Variants in HCRTR2 observed in about 807,000 individuals in gnomAD.
The protein encoded by HCRTR2 is hypocretin receptor 2, also known as orexin receptor type 2.
HCRTR2 carries 22 observed loss-of-function variants against 49.0 expected under a neutral mutation model. The observed-to-expected ratio is 0.45, with a 90% CI of 0.32 to 0.64. HCRTR2 has a LOEUF of 0.64. HCRTR2 is among the 30% of genes least tolerant of loss of function. HCRTR2 has a pLI of 0.04. For synonymous variants in HCRTR2, 236 were observed against 205.3 expected, an observed-to-expected ratio of 1.15 and a Z score of -1.28; for missense variants, 491 against 559.4, an observed-to-expected ratio of 0.88 and a Z score of 1.23.
chr6:55,185,859 C>T (rs948812181), intron 1 of HCRTR2, among the ~76,000 whole-genome samples: 2 of 152,212 alleles, frequency 1.3e-5, no homozygotes, highest in Non-Finnish European at 2.9e-5. Flanking sequence ...GACAATCTTT[C>T]TGTAAACAGA....
Position 55,186,182 on chromosome 6 carries a change from G to A in HCRTR2, c.223+11372G>A, listed in dbSNP as rs549302004. On this transcript the variant is annotated intron_variant, in intron 1 of 6. Transcript: ENST00000370862. The stretch of plus-strand genomic sequence containing the variant: ...TGTTTGCCAATGTATCCTCAGTGCC[G>A]AGAACAGGTTCAGGAATACAGAATT... Among the ~76,000 whole-genome samples the A allele has an allele frequency of 4.6e-5, 7 of 152,212 alleles. No homozygotes were observed. In the East Asian group the frequency reaches 9.6e-4, roughly 21 times the overall value.
At chr6:55,212,284 G>A (rs1765710391) in intron 1 of HCRTR2, among the ~76,000 whole-genome samples, 2 of 152,258 alleles carry the variant, frequency 1.3e-5, no homozygotes, top group Admixed American at 6.5e-5. Context: ...TGACTCCAAA[G>A]TAAACATGGT....
At chr6:55,256,710 A>T (rs982092052) in intron 3 of HCRTR2, among the ~76,000 whole-genome samples, 1 of 151,922 alleles carries the variant, frequency 6.6e-6, no homozygotes, top group African/African-American at 2.4e-5. Flanking sequence ...AAAAAAATCA[A>T]TGGAAATTTC....
In HCRTR2 at chr6:55,174,605, G is replaced by A; in HGVS notation, c.18G>A (p.Leu6=). The A allele has an allele frequency of 6.2e-7, 1 of 1,613,988 alleles. No homozygotes were observed. The highest frequency in any genetic ancestry group is 8.5e-7 in the Non-Finnish European group (1 of 1,179,964). Residue 6 remains leucine (L), a synonymous_variant, in exon 1 of 7, where the codon TTG becomes TTA. Transcript: ENST00000370862. MSGTK[L]EDSPPCRNWS... ...AGCCCGTGATGTCCGGCACCAAATTGGAGGACTCCCCCCCTTGTCGCAACT... is the reference window on the plus strand; with the variant it reads ...AGCCCGTGATGTCCGGCACCAAATTAGAGGACTCCCCCCCTTGTCGCAACT...
At chr6:55,196,247 A>C (rs1172835302) in intron 1 of HCRTR2, among the ~76,000 whole-genome samples, 1 of 152,122 alleles carries the variant, frequency 6.6e-6, no homozygotes, top group Non-Finnish European at 1.5e-5. Flanking sequence ...GGGAGTTATC[A>C]ATCACAGTAC....
intron 1 of HCRTR2, among the ~76,000 whole-genome samples, chr6:55,126,334 G>A (rs1335375176): frequency 6.6e-6 from 1 of 152,124 alleles, no homozygotes; most frequent in African/African-American, 2.4e-5. Context: ...CTGTTTGTTA[G>A]TTTTCCTTCT....
upstream of HCRTR2, chr6:55,174,358 A>T: frequency 1.8e-6 from 1 of 562,442 alleles, no homozygotes; most frequent in African/African-American, 1.9e-5. Context: ...CTAGTTCCTC[A>T]GCTGCCTATC....
chr6:55,164,354 G>A (rs1304246299), intron 1 of HCRTR2, among the ~76,000 whole-genome samples: 1 of 152,148 alleles, frequency 6.6e-6, no homozygotes, highest in African/African-American at 2.4e-5. Context: ...ATTAACAATA[G>A]CAAAGACTTG....
chr6:55,195,641 C>T (rs1158546049), intron 1 of HCRTR2, among the ~76,000 whole-genome samples: 1 of 151,902 alleles, frequency 6.6e-6, no homozygotes, highest in Non-Finnish European at 1.5e-5. Flanking sequence ...TCCCAATTAC[C>T]CTGATTTGAT....
chr6:55,235,155 G>A lies in HCRTR2; in HGVS notation c.224-13484G>A, dbSNP rs944301102. 4.6e-5 allele frequency among the ~76,000 whole-genome samples: 7 copies of A among 152,118 alleles called. No homozygotes were observed. In the East Asian group the frequency reaches 5.8e-4, roughly 13 times the overall value. On this transcript the variant is annotated intron_variant, in intron 1 of 6. Coordinates refer to ENST00000370862, the MANE Select transcript of HCRTR2 (RefSeq NM_001384272.1). ...TCTATGGTGTTACAAATCAGTATACGGATTTCCTTTTGTTGGCAGGGGGGA... is the reference window on the plus strand; with the variant it reads ...TCTATGGTGTTACAAATCAGTATACAGATTTCCTTTTGTTGGCAGGGGGGA...
chr6:55,160,895 C>T (rs1764796045), intron 1 of HCRTR2, among the ~76,000 whole-genome samples: 1 of 152,100 alleles, frequency 6.6e-6, no homozygotes, highest in Non-Finnish European at 1.5e-5. Context: ...GAGACTTTAA[C>T]ACCCCACTGT....
intron 4 of HCRTR2, among the ~76,000 whole-genome samples, chr6:55,264,824 AT>A (rs1188452166): frequency 6.6e-6 from 1 of 152,100 alleles, no homozygotes; most frequent in East Asian, 1.9e-4. Context: ...AGGACATGCC[AT>A]TAGTCTGTTT....
At chr6:55,241,553 T>G (rs1393906314) in intron 1 of HCRTR2, among the ~76,000 whole-genome samples, 2 of 152,140 alleles carry the variant, frequency 1.3e-5, no homozygotes, top group Non-Finnish European at 2.9e-5. Flanking sequence ...AATCGCAAAG[T>G]GTTTTATTAA....
intron 1 of HCRTR2, among the ~76,000 whole-genome samples, chr6:55,156,825 A>T (rs893535954): frequency 6.6e-6 from 1 of 152,168 alleles, no homozygotes; most frequent in Non-Finnish European, 1.5e-5. Flanking sequence ...AAAAATGACA[A>T]GATCCAACAT....
chr6:55,152,716 T>C (rs1764679841), intron 1 of HCRTR2, among the ~76,000 whole-genome samples: 1 of 151,918 alleles, frequency 6.6e-6, no homozygotes, highest in African/African-American at 2.4e-5. Flanking sequence ...AAAAGTAAAA[T>C]AATCCCATTC....
chr6:55,218,237 T>C (rs982978066), intron 1 of HCRTR2, among the ~76,000 whole-genome samples: 7 of 152,144 alleles, frequency 4.6e-5, no homozygotes, highest in African/African-American at 1.2e-4. Context: ...TACTGTTACA[T>C]TGGGGATGAA....
At chr6:55,227,144 T>C (rs920732286) in intron 1 of HCRTR2, among the ~76,000 whole-genome samples, 3 of 152,098 alleles carry the variant, frequency 2.0e-5, no homozygotes, top group Non-Finnish European at 4.4e-5. Context: ...TTTTTTTTAA[T>C]CCATGTGTTA....
At chr6:55,188,738 G>A (rs1765266890) in intron 1 of HCRTR2, among the ~76,000 whole-genome samples, 1 of 152,158 alleles carries the variant, frequency 6.6e-6, no homozygotes, top group South Asian at 2.1e-4. Context: ...AATCTTGTGG[G>A]GGAGACTAAC....
chr6:55,203,445 G>T (rs551746908), intron 1 of HCRTR2, among the ~76,000 whole-genome samples: 8 of 152,248 alleles, frequency 5.3e-5, no homozygotes, highest in Non-Finnish European at 1.2e-4. Context: ...GTAAAATAAA[G>T]ACAAAACAAA....
Sources: allele counts gnomAD v4.1 joint callset (sites outside exome capture counted in the v4.1 genomes callset), GRCh38; gene constraint gnomAD v4.1.1; transcripts MANE v1.5; gene names NCBI Gene and HGNC (gene_info 2026-07-23, HGNC 2026-07-21).